The following HECW1 variants were observed in gnomAD, a reference collection of about 807,000 sequenced individuals.
HECW1 encodes HECT, C2 and WW domain containing E3 ubiquitin protein ligase 1, also known as E3 ubiquitin-protein ligase HECW1.
In HECW1, 61 loss-of-function variants were observed where a neutral mutation model predicts 182.3. The observed-to-expected ratio is 0.33, with a 90% confidence interval of 0.27 to 0.41. The LOEUF is 0.41. HECW1 is among the 10% of genes least tolerant of loss of function. The pLI is 1.00. For synonymous variants in HECW1, 859 were observed against 832.6 expected, an observed-to-expected ratio of 1.03 and a Z score of -0.55; for missense variants, 1,739 against 2,108.9, an observed-to-expected ratio of 0.82 and a Z score of 3.44.
chr7:43,537,636 C>G (rs114015057), intron 24 of HECW1, among the ~76,000 whole-genome samples: 2 of 152,178 alleles, frequency 1.3e-5, no homozygotes, highest in Non-Finnish European at 2.9e-5. Flanking sequence ...TTGAATTGTA[C>G]AGTTGCTGTA....
chr7:43,541,098 C>G (rs1369877327), intron 24 of HECW1, 65 bp from the exon 25 acceptor site: 7 of 1,297,616 alleles, frequency 5.4e-6, no homozygotes, highest in Non-Finnish European at 7.8e-6. Flanking sequence ...AATAAAAGTG[C>G]AAACTAAAAT....
chr7:43,386,907 GA>G (rs1027273533), intron 6 of HECW1, among the ~76,000 whole-genome samples: 1 of 152,162 alleles, frequency 6.6e-6, no homozygotes, highest in Admixed American at 6.5e-5. Context: ...GAATTCCTTA[GA>G]AAACAGGATA....
At chr7:43,474,240 C>T (rs757170067) in intron 16 of HECW1, among the ~76,000 whole-genome samples, 2 of 151,994 alleles carry the variant, frequency 1.3e-5, no homozygotes, top group Non-Finnish European at 2.9e-5. Flanking sequence ...ACGAGGTCAG[C>T]AGATCGAGAC....
rs1485626252 is a variant in HECW1 at position 43,167,296 on chromosome 7, A to T, written c.-32+52905A>T. Among the ~76,000 whole-genome samples, 3 of 151,806 alleles carry T rather than the reference A, an allele frequency of 2.0e-5. No individual in the cohort carries two copies. The East Asian group carries it at 5.8e-4, about 29-fold the overall frequency. ...CATCTCCACATGGCCTCCTTCCCCT[A>T]TGTCTCTGTGTCTTCTCTTCTATTC... On this transcript the variant is annotated intron_variant, in intron 2 of 29. Transcript: ENST00000395891.
At chr7:43,283,529 G>T (rs146933598) in intron 3 of HECW1, among the ~76,000 whole-genome samples, 40 of 152,200 alleles carry the variant, frequency 2.6e-4, no homozygotes, top group African/African-American at 9.6e-4. Context: ...AATATAAATA[G>T]TTTGCATGTT....
intron 8 of HECW1, among the ~76,000 whole-genome samples, chr7:43,416,804 G>C (rs1332652958): frequency 6.8e-6 from 1 of 148,086 alleles, no homozygotes; most frequent in African/African-American, 2.5e-5. Context: ...AGGTGCGTCC[G>C]TCACCCCTTT....
At chr7:43,395,054 G>GT (rs397741027) in intron 6 of HECW1, among the ~76,000 whole-genome samples, 21 of 170 alleles carry the variant, frequency 0.12, no homozygotes, top group Non-Finnish European at 0.18. Context: ...TGTTGATCTT[G>GT]TGGTGCCAGC....
At chr7:43,336,253 C>T (rs764613380) in intron 5 of HECW1, among the ~76,000 whole-genome samples, 4 of 145,244 alleles carry the variant, frequency 2.8e-5, no homozygotes, top group Non-Finnish European at 6.0e-5. Context: ...CTCACTGCGG[C>T]CTCAAGGGCT....
intron 7 of HECW1, among the ~76,000 whole-genome samples, chr7:43,397,280 G>T (rs17800970): frequency 1.3e-5 from 2 of 151,986 alleles, no homozygotes; most frequent in Non-Finnish European, 2.9e-5. Flanking sequence ...TAACTGAGCC[G>T]CTCAAAAATG....
intron 5 of HECW1, among the ~76,000 whole-genome samples, chr7:43,321,216 A>G (rs1810073113): frequency 6.6e-6 from 1 of 152,196 alleles, no homozygotes; most frequent in African/African-American, 2.4e-5. Flanking sequence ...CTCTGGCCAC[A>G]GCTCCCCCGG....
intron 3 of HECW1, among the ~76,000 whole-genome samples, chr7:43,262,749 A>T (rs1461846121): frequency 6.6e-6 from 1 of 152,228 alleles, no homozygotes; most frequent in African/African-American, 2.4e-5. Flanking sequence ...AATAGCTACT[A>T]TAAATAGACC....
chr7:43,499,150 G>A (rs111475932), intron 19 of HECW1, among the ~76,000 whole-genome samples: 24,092 of 151,952 alleles, frequency 0.16, 2,448 homozygotes, highest in Non-Finnish European at 0.22. Context: ...GCCTGGTGGT[G>A]TGCGTTTGTA....
chr7:43,147,632 A>T (rs1788857968), intron 2 of HECW1: 1 of 152,160 alleles, frequency 6.6e-6, no homozygotes, highest in Non-Finnish European at 1.5e-5. Flanking sequence ...TTAGTTTAAA[A>T]TCAGGTCATG....
intron 7 of HECW1, among the ~76,000 whole-genome samples, chr7:43,407,141 C>T (rs1167266874): frequency 6.6e-6 from 1 of 152,082 alleles, no homozygotes; most frequent in Non-Finnish European, 1.5e-5. Context: ...CAGAACTCTC[C>T]TCATTGACTG....
Position 43,550,436 on chromosome 7 carries a change from T to C in HECW1, c.4249-9T>C. ...GACAAGCATCGCAATATTTCTGTTTTCCTACAAGGTCACGGAAAGGGAGTT... is the reference window on the plus strand; with the variant it reads ...GACAAGCATCGCAATATTTCTGTTTCCCTACAAGGTCACGGAAAGGGAGTT... On this transcript the variant is annotated splice_polypyrimidine_tract_variant and intron_variant, in intron 26 of 29. Transcript: ENST00000395891. 2.5e-6 allele frequency: 4 copies of C among 1,613,956 alleles called. No homozygotes were observed. The highest frequency in any genetic ancestry group is 3.4e-6 in the Non-Finnish European group (4 of 1,179,980).
chr7:43,405,130 G>A (rs2075563336), intron 7 of HECW1, among the ~76,000 whole-genome samples: 2 of 152,188 alleles, frequency 1.3e-5, no homozygotes, highest in Non-Finnish European at 2.9e-5. Flanking sequence ...CGGAGTTTGT[G>A]TTCAGGATTA....
chr7:43,169,862 T>C (rs1343755382), intron 2 of HECW1, among the ~76,000 whole-genome samples: 3 of 152,102 alleles, frequency 2.0e-5, no homozygotes, highest in African/African-American at 7.2e-5. Flanking sequence ...TGATGCCAAT[T>C]CCCCACCCCC....
intron 10 of HECW1, 131 bp downstream of exon 10, chr7:43,442,760 G>A (rs938941863): frequency 1.5e-6 from 1 of 665,568 alleles, no homozygotes; most frequent in African/African-American, 1.8e-5. Flanking sequence ...TCCATTTGAG[G>A]TCCAGAAGCC....
intron 2 of HECW1, among the ~76,000 whole-genome samples, chr7:43,137,164 C>T (rs1255349654): frequency 1.3e-5 from 2 of 152,148 alleles, no homozygotes; most frequent in East Asian, 1.9e-4. Context: ...TGGGTTCAAT[C>T]GCTTCATGTC....
Sources: allele counts gnomAD v4.1 joint callset (sites outside exome capture counted in the v4.1 genomes callset), GRCh38; gene constraint gnomAD v4.1.1; transcripts MANE v1.5; gene names NCBI Gene and HGNC (gene_info 2026-07-23, HGNC 2026-07-21).